The following SIGLEC1 variants were observed in gnomAD, a reference collection of about 807,000 sequenced individuals.
SIGLEC1 encodes the protein sialic acid binding Ig like lectin 1, also known as sialoadhesin.
In SIGLEC1, 132 loss-of-function variants were observed where a neutral mutation model predicts 148.0. That is an observed-to-expected ratio of 0.89 (90% CI 0.77 to 1.03). The LOEUF (loss-of-function observed/expected upper bound fraction) is 1.03, where lower values mean the gene tolerates loss of function less well. Among genes scored for constraint, SIGLEC1 ranks in the 50% least tolerant of loss-of-function variants. The pLI is 0.00. For missense variants in SIGLEC1, 2,253 were observed against 2,271.4 expected (o/e 0.99, Z 0.16); for synonymous variants, 945 against 969.0 (o/e 0.98, Z 0.46).
chr20:3,690,844 TTC>T (rs869182950), intron 18 of SIGLEC1, among the ~76,000 whole-genome samples: 6,075 of 66,018 alleles, frequency 0.092, 518 homozygotes, highest in African/African-American at 0.23. Context: ...TTTTTTTTTT[TTC>T]TTGAGACAGA....
Position 3,698,130 on chromosome 20 carries a change from G to C in SIGLEC1, c.1790C>G (p.Pro597Arg). The C allele has an allele frequency of 1.3e-6, 2 of 1,587,434 alleles. No homozygotes were observed. Among genetic ancestry groups the C allele is most frequent in the South Asian group, 2.3e-5 (2 of 87,772 alleles). Residue 597 changes from proline (P) to arginine (R), a missense_variant, in exon 9 of 22, where the codon CCC becomes CGC. Coordinates refer to ENST00000344754, the MANE Select transcript of SIGLEC1 (RefSeq NM_023068.4). The stretch of plus-strand genomic sequence containing the variant: ...GGTGGTGAATGTTGGTTGTCGAGGG[G>C]GGTCTGCAGGGAGGAAGAACATGGG... Reference protein sequence around the residue: ...SSPAVLTVLYPPRQPTFTTRL... With the variant: ...SSPAVLTVLYRPRQPTFTTRL...
In SIGLEC1 at chr20:3,696,874, G is replaced by T; in HGVS notation, c.2395C>A (p.Pro799Thr). 6.4e-7 allele frequency: 1 copy of T among 1,556,698 alleles called. No individual in the cohort carries two copies. The highest frequency in any genetic ancestry group is 8.7e-7 in the Non-Finnish European group (1 of 1,152,186). The change falls in exon 11 of 22, where the codon CCA becomes ACA. Residue 799 changes from proline (P) to threonine (T), a missense_variant. Coordinates refer to ENST00000344754, the MANE Select transcript of SIGLEC1 (RefSeq NM_023068.4). Reference protein sequence around the residue: ...LLSVLYPPDRPKLSALLDMGQ... With the variant: ...LLSVLYPPDRTKLSALLDMGQ... ...ATGTCTAGGAGGGCTGACAGCTTTGGACGGTCCGGGGGATCTGCAGGAACA... is the reference window on the plus strand; with the variant it reads ...ATGTCTAGGAGGGCTGACAGCTTTGTACGGTCCGGGGGATCTGCAGGAACA...
Position 3,694,338 on chromosome 20 carries a change from G to A in SIGLEC1, c.3139C>T (p.Pro1047Ser), listed in dbSNP as rs746631163. The A allele has an allele frequency of 1.9e-6, 3 of 1,613,232 alleles. No homozygotes were observed. Among genetic ancestry groups the A allele is most frequent in the East Asian group, 2.2e-5 (1 of 44,884 alleles). The change falls in exon 13 of 22, where the codon CCC (proline) becomes TCC (serine). Residue 1047 changes from proline (P) to serine (S), a missense_variant. Physicochemically the swap from Pro to Ser is moderately conservative, Grantham distance 74 (BLOSUM62 -1). Transcript: ENST00000344754. ...SSPRLHVAVAPNTLRLEIHGA... is the reference protein window; with the variant it reads ...SSPRLHVAVASNTLRLEIHGA... ...TGGATCTCCAGACGCAGTGTGTTGG[G>A]GGCCACAGCCACATGCAGCCTGGGA...
At chr20:3,688,641 G>C in intron 21 of SIGLEC1, 22 bp from the exon 22 acceptor site, 1 of 1,570,574 alleles carries the variant, frequency 6.4e-7, no homozygotes, top group Non-Finnish European at 8.6e-7. Context: ...GAAAACCCTG[G>C]TCACAGGAGG....
intron 6 of SIGLEC1, 122 bp from the exon 7 acceptor site, chr20:3,701,763 C>A: frequency 1.1e-6 from 1 of 940,226 alleles, no homozygotes; most frequent in South Asian, 2.2e-5. Context: ...GGGGGTGATC[C>A]CAAAGTGCCT....
chr20:3,706,187 A>G, intron 3 of SIGLEC1, 147 bp from the exon 4 acceptor site: 2 of 1,298,914 alleles, frequency 1.5e-6, no homozygotes, highest in Non-Finnish European at 2.1e-6. Context: ...ACTTGGGTGA[A>G]TACAAGGGAG....
chr20:3,698,611 G>A (rs1283005979), intron 8 of SIGLEC1, among the ~76,000 whole-genome samples: 1 of 152,218 alleles, frequency 6.6e-6, no homozygotes, highest in African/African-American at 2.4e-5. Context: ...CTTCCTGAAG[G>A]CTTCTGGAGA....
chr20:3,692,492 G>T (rs1482597580), intron 16 of SIGLEC1, 29 bp downstream of exon 16: 1 of 1,557,820 alleles, frequency 6.4e-7, no homozygotes, highest in Non-Finnish European at 8.6e-7. Flanking sequence ...CTCCTCCTGG[G>T]CAGCCCTGGC....
intron 20 of SIGLEC1, 32 bp from the exon 21 acceptor site, chr20:3,689,259 C>T: frequency 6.3e-7 from 1 of 1,583,272 alleles, no homozygotes; most frequent in Non-Finnish European, 8.7e-7. Context: ...CAGAGAGCCT[C>T]TCCCCTCCCC....
intron 20 of SIGLEC1, 159 bp from the exon 21 acceptor site, chr20:3,689,386 C>CT: frequency 1.4e-6 from 1 of 723,522 alleles, no homozygotes; most frequent in Non-Finnish European, 2.4e-6. Context: ...CTTGCTTTAG[C>CT]ACAGCCAGGG....
rs749481121 is a variant in SIGLEC1, at chr20:3,694,731, T to C, written c.2876A>G (p.His959Arg). 1.2e-6 allele frequency: 2 copies of C among 1,613,800 alleles called. No homozygotes were observed. The highest frequency in any genetic ancestry group is 4.5e-5 in the East Asian group (2 of 44,880). ...AITLTQAGAY[H>R]CQAQAPGSAT... ...TGAGCCTGGGGCCTGGGCTTGGCAA[T>C]GATAGGCCCCAGCTTGTGTCAAAGT... The change falls in exon 12 of 22, where the codon CAT becomes CGT. Residue 959 changes from histidine (H) to arginine (R), a missense_variant. By Grantham distance (29) the His-to-Arg change is conservative. Transcript: ENST00000344754.
chr20:3,693,799 C>G, intron 13 of SIGLEC1, 101 bp from the exon 14 acceptor site: 2 of 1,344,242 alleles, frequency 1.5e-6, no homozygotes, highest in Non-Finnish European at 2.0e-6. Context: ...TGCTGGGGAG[C>G]CCCTTGGCCT....
In SIGLEC1 at chr20:3,699,414, T is replaced by A. The variant is rs767549411; in HGVS notation, c.1574A>T (p.Gln525Leu). The A allele has an allele frequency of 6.2e-7, 1 of 1,610,068 alleles. No homozygotes were observed. The highest frequency in any genetic ancestry group is 8.5e-7 in the Non-Finnish European group (1 of 1,178,926). ...ISPAAEVVEG[Q>L]AVTLSCRSGL... is the part of the protein sequence containing the mutation. ...GCTTCTGCAGCTCAGTGTCACTGCC[T>A]GTCCTTCCACCACCTCGGCTGCCGG... Residue 525 changes from glutamine (Q) to leucine (L), a missense_variant, in exon 8 of 22, where the codon CAG becomes CTG. Coordinates refer to ENST00000344754, the MANE Select transcript of SIGLEC1 (RefSeq NM_023068.4).
intron 8 of SIGLEC1, among the ~76,000 whole-genome samples, chr20:3,698,951 T>G (rs1403377055): frequency 6.6e-6 from 1 of 152,230 alleles, no homozygotes; most frequent in Non-Finnish European, 1.5e-5. Flanking sequence ...GTGCCCATGC[T>G]GAGCTTGAGG....
Position 3,693,662 on chromosome 20 carries a change from C to G in SIGLEC1, c.3293G>C (p.Arg1098Pro). 1 of 1,606,002 alleles carries G rather than the reference C, an allele frequency of 6.2e-7. No homozygotes were observed. The highest frequency in any genetic ancestry group is 8.5e-7 in the Non-Finnish European group (1 of 1,176,010). ...NVQVWPGATV[R>P]EGQLVNLTCL... Reference sequence around the variant, plus strand: ...GGTCAGGTTCACCAGCTGCCCCTCCCGCACGGTAGCCCCGGGCCACACCTG... The same window carrying G: ...GGTCAGGTTCACCAGCTGCCCCTCCGGCACGGTAGCCCCGGGCCACACCTG... Residue 1098 changes from arginine (R) to proline (P), a missense_variant, in exon 14 of 22, where the codon CGG becomes CCG. Physicochemically the swap from Arg to Pro is moderately radical, Grantham distance 103. Transcript: ENST00000344754.
intron 11 of SIGLEC1, 89 bp downstream of exon 11, chr20:3,696,497 A>C (rs2088823441): frequency 1.5e-6 from 2 of 1,328,444 alleles, no homozygotes. Flanking sequence ...ATATTTCTGC[A>C]CAAAATTCAC....
intron 9 of SIGLEC1, among the ~76,000 whole-genome samples, 163 bp from the exon 10 acceptor site, chr20:3,697,505 TG>T (rs1038607375): frequency 1.3e-5 from 2 of 151,884 alleles, no homozygotes; most frequent in African/African-American, 4.8e-5. Context: ...AAGTGGGCCC[TG>T]GGGACTGTGG....
chr20:3,697,839 G>T lies in SIGLEC1; in HGVS notation c.2081C>A (p.Ala694Asp), dbSNP rs765559682. The T allele has an allele frequency of 1.2e-6, 2 of 1,613,030 alleles. No homozygotes were observed. Among genetic ancestry groups the T allele is most frequent in the South Asian group, 2.2e-5 (2 of 91,060 alleles). ...EGLYLCEASN[A>D]LGNASTSATF... is the part of the protein sequence containing the mutation. Reference sequence around the variant, plus strand: ...GGCTGAGGTGGAGGCGTTGCCCAGGGCATTGCTGGCCTCACAGAGGTACAA... The same window carrying T: ...GGCTGAGGTGGAGGCGTTGCCCAGGTCATTGCTGGCCTCACAGAGGTACAA... Residue 694 changes from alanine to aspartate, a missense_variant, in exon 9 of 22, where the codon GCC becomes GAC. Coordinates refer to ENST00000344754, the MANE Select transcript of SIGLEC1 (RefSeq NM_023068.4).
At chr20:3,708,851 T>G (rs989609369) in intron 1 of SIGLEC1, among the ~76,000 whole-genome samples, 1 of 151,870 alleles carries the variant, frequency 6.6e-6, no homozygotes, top group Non-Finnish European at 1.5e-5. Flanking sequence ...ATTGAGACCA[T>G]CCTGGCCAAC....
Sources: allele counts gnomAD v4.1 joint callset (sites outside exome capture counted in the v4.1 genomes callset), GRCh38; gene constraint gnomAD v4.1.1; transcripts MANE v1.5; gene names NCBI Gene and HGNC (gene_info 2026-07-23, HGNC 2026-07-21).